SPIDR: variants seen among roughly 807,000 people sequenced by gnomAD.
The protein encoded by SPIDR is DNA repair-scaffolding protein.
A neutral mutation model predicts 104.6 loss-of-function variants in SPIDR; 93 were observed. That is an observed-to-expected ratio of 0.89 (90% confidence interval 0.75 to 1.06). SPIDR has a LOEUF of 1.06. Among genes scored for constraint, SPIDR ranks in the 50% least tolerant of loss-of-function variants. The probability of loss-of-function intolerance (pLI) is 0.00; values close to 1 mark genes in which losing one functional copy is unlikely to be tolerated. For synonymous variants in SPIDR, 431 were observed against 416.9 expected, an observed-to-expected ratio of 1.03 and a Z score of -0.41; for missense variants, 1,154 against 1,111.2, an observed-to-expected ratio of 1.04 and a Z score of -0.55.
chr8:47,576,860 G>A (rs1210841046), intron 8 of SPIDR, among the ~76,000 whole-genome samples: 1 of 152,146 alleles, frequency 6.6e-6, no homozygotes, highest in African/African-American at 2.4e-5. Flanking sequence ...ATTAGTTTAG[G>A]TGATATTATG....
intron 10 of SPIDR, among the ~76,000 whole-genome samples, chr8:47,622,671 C>CTG (rs1314817894): frequency 6.6e-6 from 1 of 152,154 alleles, no homozygotes; most frequent in African/African-American, 2.4e-5. Context: ...AGCATCGGCC[C>CTG]TGCATGGATG....
intron 8 of SPIDR, among the ~76,000 whole-genome samples, chr8:47,506,441 G>A (rs904683910): frequency 5.9e-5 from 9 of 152,056 alleles, no homozygotes; most frequent in Admixed American, 6.6e-5. Context: ...CAGGGTGATC[G>A]TTCTTTCTTT....
At chr8:47,689,478 C>T (rs956797815) in intron 11 of SPIDR, among the ~76,000 whole-genome samples, 1 of 152,220 alleles carries the variant, frequency 6.6e-6, no homozygotes, top group Non-Finnish European at 1.5e-5. Flanking sequence ...ATTTTACCCA[C>T]TTCACAGATG....
intron 8 of SPIDR, among the ~76,000 whole-genome samples, chr8:47,471,651 A>G (rs1390279859): frequency 6.6e-6 from 1 of 152,234 alleles, no homozygotes; most frequent in Non-Finnish European, 1.5e-5. Flanking sequence ...ATATAACATC[A>G]TGTATATACT....
intron 8 of SPIDR, among the ~76,000 whole-genome samples, chr8:47,506,113 G>A (rs146992065): frequency 6.6e-6 from 1 of 152,284 alleles, no homozygotes; most frequent in Admixed American, 6.5e-5. Flanking sequence ...CAAGAGTTGA[G>A]AGCTCAGTTG....
intron 10 of SPIDR, among the ~76,000 whole-genome samples, chr8:47,604,995 A>G (rs902908902): frequency 6.6e-6 from 1 of 152,234 alleles, no homozygotes; most frequent in African/African-American, 2.4e-5. Context: ...CAAGCTCCAA[A>G]GGCACTAATG....
intron 1 of SPIDR, among the ~76,000 whole-genome samples, chr8:47,266,192 C>T (rs987341728): frequency 3.4e-5 from 5 of 147,930 alleles, no homozygotes; most frequent in African/African-American, 1.0e-4. Flanking sequence ...TGCAATAGCG[C>T]GATCTCGGCT....
intron 15 of SPIDR, chr8:47,713,076 G>A (rs1257827161): frequency 2.3e-6 from 3 of 1,317,282 alleles, no homozygotes; most frequent in Admixed American, 3.4e-5. Flanking sequence ...CCATGGAGAT[G>A]CTGTGCTCAC....
intron 16 of SPIDR, among the ~76,000 whole-genome samples, chr8:47,717,160 G>A (rs1227504849): frequency 6.6e-6 from 1 of 152,154 alleles, no homozygotes; most frequent in Non-Finnish European, 1.5e-5. Flanking sequence ...TGCTATTTGT[G>A]TGCCTTTGGC....
At chr8:47,352,679 A>T (rs536946354) in intron 5 of SPIDR, among the ~76,000 whole-genome samples, 38 of 152,290 alleles carry the variant, frequency 2.5e-4, no homozygotes, top group Non-Finnish European at 5.3e-4. Flanking sequence ...AACTATCATG[A>T]TGTTATATAA....
In SPIDR at chr8:47,392,452, G is replaced by A. The variant is rs571707235; in HGVS notation, c.526-3924G>A. On this transcript the variant is annotated intron_variant, in intron 5 of 19. Coordinates refer to ENST00000297423, the MANE Select transcript of SPIDR (RefSeq NM_001080394.4). ...GGTATAAGGATGCAAGAGCAAGGAT[G>A]GACTTGAAAATTTCTTTATACTGCT... 8.2e-4 allele frequency among the ~76,000 whole-genome samples: 125 copies of A among 152,302 alleles called. 1 individual carries two copies. The highest frequency in any genetic ancestry group is 2.9e-3 in the African/African-American group (119 of 41,562).
At chr8:47,415,380 C>A (rs1344296388) in intron 7 of SPIDR, among the ~76,000 whole-genome samples, 1 of 152,016 alleles carries the variant, frequency 6.6e-6, no homozygotes, top group Non-Finnish European at 1.5e-5. Context: ...GTCCATTGAC[C>A]CTGCTCAGAT....
At chr8:47,485,689 C>T (rs371775599) in intron 8 of SPIDR, among the ~76,000 whole-genome samples, 74 of 152,270 alleles carry the variant, frequency 4.9e-4, no homozygotes, top group Non-Finnish European at 7.5e-4. Flanking sequence ...CAGCATTTGC[C>T]GTTCTGCAAT....
intron 8 of SPIDR, among the ~76,000 whole-genome samples, chr8:47,570,650 A>T (rs956527557): frequency 1.3e-5 from 2 of 152,188 alleles, no homozygotes; most frequent in Non-Finnish European, 2.9e-5. Context: ...GTATATGCAG[A>T]TCATATATTT....
chr8:47,403,124 G>A (rs1554664562), intron 6 of SPIDR, among the ~76,000 whole-genome samples: 1 of 152,182 alleles, frequency 6.6e-6, no homozygotes, highest in African/African-American at 2.4e-5. Flanking sequence ...CTCAATAGAT[G>A]CAGAAAAGGC....
intron 8 of SPIDR, among the ~76,000 whole-genome samples, chr8:47,458,904 G>A (rs1275665450): frequency 6.6e-6 from 1 of 152,104 alleles, no homozygotes; most frequent in African/African-American, 2.4e-5. Context: ...AGGTGGTCAT[G>A]TGATTTTTGT....
chr8:47,657,532 A>T (rs1194525216), intron 10 of SPIDR, among the ~76,000 whole-genome samples: 1 of 152,206 alleles, frequency 6.6e-6, no homozygotes, highest in Non-Finnish European at 1.5e-5. Context: ...AAACTGTATC[A>T]AACTAAATAT....
chr8:47,496,407 C>T (rs927749388), intron 8 of SPIDR, among the ~76,000 whole-genome samples: 1 of 152,118 alleles, frequency 6.6e-6, no homozygotes, highest in Non-Finnish European at 1.5e-5. Context: ...TCATCATGAA[C>T]ATGTATTAAA....
In SPIDR at chr8:47,267,200, A is replaced by G. The variant is rs1289142379; in HGVS notation, c.33+6209A>G. ...AATGTTGCTTTGAACTTTTTTTTTT[A>G]ATTGAGATCCGGTCTCATTATATTG... On this transcript the variant is annotated intron_variant, in intron 1 of 19. Transcript: ENST00000297423. Among the ~76,000 whole-genome samples the G allele has an allele frequency of 2.0e-5, 3 of 151,362 alleles. No individual in the cohort carries two copies. In the East Asian group the frequency reaches 5.8e-4, roughly 29 times the overall value.
Sources: allele counts gnomAD v4.1 joint callset (sites outside exome capture counted in the v4.1 genomes callset), GRCh38; gene constraint gnomAD v4.1.1; transcripts MANE v1.5; gene names NCBI Gene and HGNC (gene_info 2026-07-23, HGNC 2026-07-21).